Variants in PTPRN2 observed in about 807,000 individuals in gnomAD.
The protein encoded by PTPRN2 is protein tyrosine phosphatase receptor type N2, also known as receptor-type tyrosine-protein phosphatase N2.
A neutral mutation model predicts 118.8 loss-of-function variants in PTPRN2; 74 were observed. The ratio of observed to expected loss-of-function variants is 0.62; its 90% CI spans 0.52 to 0.76. The LOEUF (loss-of-function observed/expected upper bound fraction) is 0.76, where lower values mean the gene tolerates loss of function less well. PTPRN2 is among the 30% of genes least tolerant of loss of function. The pLI is 0.00. For missense variants in PTPRN2, 1,481 were observed against 1,394.4 expected (o/e 1.06, Z -0.99); for synonymous variants, 641 against 608.0 (o/e 1.05, Z -0.80).
chr7:158,020,758 T>C (rs1381836906), intron 11 of PTPRN2, among the ~76,000 whole-genome samples: 2 of 152,134 alleles, frequency 1.3e-5, no homozygotes, highest in African/African-American at 4.8e-5. Flanking sequence ...AAAGTAGGGA[T>C]CCTGTGTCAA....
At chr7:157,888,208 G>A (rs1796597324) in intron 12 of PTPRN2, among the ~76,000 whole-genome samples, 1 of 152,132 alleles carries the variant, frequency 6.6e-6, no homozygotes, top group African/African-American at 2.4e-5. Flanking sequence ...AGCATGAGAT[G>A]TAGGGTTCAG....
rs150011056 is a variant in PTPRN2, at chr7:158,128,688, C to T, written c.1556+4989G>A. Among the ~76,000 whole-genome samples, 352 of 152,222 alleles carry T rather than the reference C, an allele frequency of 2.3e-3. 1 individual carries two copies. The highest frequency in any genetic ancestry group is 3.9e-3 in the Non-Finnish European group (268 of 68,006). On this transcript the variant is annotated intron_variant, in intron 9 of 22. Transcript: ENST00000389418. ...CACAGGATTGTCGGCTCTGAAGGTTCCCTAGCAAACCACACCGGCCTCCTG... is the reference window on the plus strand; with the variant it reads ...CACAGGATTGTCGGCTCTGAAGGTTTCCTAGCAAACCACACCGGCCTCCTG...
At chr7:158,528,373 G>T (rs1824950614) in intron 1 of PTPRN2, among the ~76,000 whole-genome samples, 2 of 152,204 alleles carry the variant, frequency 1.3e-5, no homozygotes, top group African/African-American at 2.4e-5. Context: ...ACTCCCCAGA[G>T]CCGGTCAGCC....
Position 158,517,214 on chromosome 7 carries a change from G to A in PTPRN2, c.113-27429C>T, listed in dbSNP as rs777342795. ...CATTGACCCCCATTCCTGTCCCACA[G>A]TTGAGGGCTGCCCCACAGGCTTCCT... is the stretch of plus-strand genomic sequence containing the variant. On this transcript the variant is annotated intron_variant, in intron 1 of 22. Transcript: ENST00000389418. The surrounding 1 kb of genome is among the most constrained non-coding windows in gnomAD (Gnocchi z 5.3). 2.0e-5 allele frequency among the ~76,000 whole-genome samples: 3 copies of A among 152,216 alleles called. No individual in the cohort carries two copies. The highest frequency in any genetic ancestry group is 4.4e-5 in the Non-Finnish European group (3 of 68,044).
intron 4 of PTPRN2, among the ~76,000 whole-genome samples, chr7:158,193,575 C>A (rs573338975): frequency 1.3e-5 from 2 of 152,210 alleles, no homozygotes; most frequent in East Asian, 3.9e-4. Flanking sequence ...TCCCCCTTTA[C>A]CCTCAGCTGT....
At chr7:158,393,151 G>A (rs563656607) in intron 2 of PTPRN2, among the ~76,000 whole-genome samples, 14 of 152,124 alleles carry the variant, frequency 9.2e-5, no homozygotes, top group Admixed American at 1.3e-4. Context: ...GGAAGAAAAC[G>A]GGAGCTGGAA....
intron 12 of PTPRN2, among the ~76,000 whole-genome samples, chr7:157,716,709 G>A (rs541419602): frequency 2.6e-5 from 1 of 38,062 alleles, no homozygotes. Flanking sequence ...CAGACTCTGC[G>A]GGAACACTGC....
chr7:157,772,104 TAC>T (rs1160156324), intron 12 of PTPRN2, among the ~76,000 whole-genome samples: 4 of 130,300 alleles, frequency 3.1e-5, no homozygotes, highest in Admixed American at 7.6e-5. Flanking sequence ...CACACATGGA[TAC>T]ACACACACAG....
chr7:158,149,440 GT>G (rs1563515785), intron 6 of PTPRN2, among the ~76,000 whole-genome samples: 1 of 129,792 alleles, frequency 7.7e-6, no homozygotes, highest in African/African-American at 3.1e-5. Flanking sequence ...TTCTCAAGAG[GT>G]AAAAAAAAAA....
intron 11 of PTPRN2, among the ~76,000 whole-genome samples, chr7:158,076,973 T>C (rs1812411567): frequency 6.6e-6 from 1 of 152,182 alleles, no homozygotes; most frequent in Non-Finnish European, 1.5e-5. Flanking sequence ...CTGGGGTCGA[T>C]AGTTAAGGCT....
Position 158,526,280 on chromosome 7 carries a change from G to A in PTPRN2, c.113-36495C>T, listed in dbSNP as rs940707479. Among the ~76,000 whole-genome samples the A allele has an allele frequency of 2.0e-5, 3 of 152,266 alleles. No individual in the cohort carries two copies. Among genetic ancestry groups the A allele is most frequent in the South Asian group, 2.1e-4 (1 of 4,824 alleles). Reference sequence around the variant, plus strand: ...CAGGCCCTCCCTGCCCACCTGTGGCGGCGAAGGGAACTGACACCACTCCTT... The same window carrying A: ...CAGGCCCTCCCTGCCCACCTGTGGCAGCGAAGGGAACTGACACCACTCCTT... On this transcript the variant is annotated intron_variant, in intron 1 of 22. Transcript: ENST00000389418. The surrounding 1 kb of genome is among the most constrained non-coding windows in gnomAD (Gnocchi z 5.2).
chr7:158,362,482 A>G (rs1586462124), intron 2 of PTPRN2, among the ~76,000 whole-genome samples: 1 of 152,240 alleles, frequency 6.6e-6, no homozygotes, highest in South Asian at 2.1e-4. Context: ...CAGAAAGGCA[A>G]AGGACTTTGT....
chr7:158,070,310 GGTGGTGGAGGTGCTCGTGGT>G (rs1811120251), intron 11 of PTPRN2, among the ~76,000 whole-genome samples: 1 of 150,506 alleles, frequency 6.6e-6, no homozygotes, highest in South Asian at 2.1e-4. Context: ...AGGTGCTCCT[GGTGGTGGAGGTGCTCGTGGT>G]GTGGAGGTGC....
Position 157,929,813 on chromosome 7 carries a change from G to GC in PTPRN2, c.1724-31077dup, listed in dbSNP as rs1799255414. ...CCTGTAATGCAGAACCTTTCCCAGTGCCCACTGGTGGTGTTCCCGGGACAC... is the reference window on the plus strand; with the variant it reads ...CCTGTAATGCAGAACCTTTCCCAGTGCCCCACTGGTGGTGTTCCCGGGACAC... On this transcript the variant is annotated intron_variant, in intron 11 of 22. Coordinates refer to ENST00000389418, the MANE Select transcript of PTPRN2 (RefSeq NM_002847.5). This position sits in a 1 kb window ranked among gnomAD's most constrained non-coding sequence, Gnocchi z 4.4. Among the ~76,000 whole-genome samples the GC allele has an allele frequency of 6.6e-6, 1 of 151,892 alleles. No homozygotes were observed. Among genetic ancestry groups the GC allele is most frequent in the Non-Finnish European group, 1.5e-5 (1 of 67,896 alleles).
At chr7:158,554,985 C>T (rs992235554) in intron 1 of PTPRN2, among the ~76,000 whole-genome samples, 12 of 152,140 alleles carry the variant, frequency 7.9e-5, no homozygotes, top group Non-Finnish European at 1.0e-4. Context: ...TTAATTTATC[C>T]GGCCCCTCCT....
intron 2 of PTPRN2, among the ~76,000 whole-genome samples, chr7:158,376,108 C>T (rs1465527424): frequency 6.6e-6 from 1 of 152,176 alleles, no homozygotes; most frequent in Non-Finnish European, 1.5e-5. Flanking sequence ...AGACACCCCA[C>T]CCCTGGATGC....
At position 158,587,692 on chromosome 7, in the gene PTPRN2, C is replaced by T. The variant is rs1829064047; in HGVS notation, c.-23G>A. On this transcript the variant is annotated 5_prime_UTR_variant, in exon 1 of 23. Transcript: ENST00000389418. Reference sequence around the variant, plus strand: ...CATCCCCGCGGCCTGGCCGGCGGCGCTCAGTCCATGGCCGCGCGGGAGGCG... The same window carrying T: ...CATCCCCGCGGCCTGGCCGGCGGCGTTCAGTCCATGGCCGCGCGGGAGGCG... The T allele has an allele frequency of 8.4e-6, 11 of 1,304,058 alleles. No homozygotes were observed. The highest frequency in any genetic ancestry group is 1.1e-5 in the Non-Finnish European group (11 of 1,028,534). The allele number at this position is 1,304,058 out of a possible 1,614,324, so 80.8% of individuals were successfully genotyped here.
chr7:158,288,211 C>T (rs1799884722), intron 3 of PTPRN2, among the ~76,000 whole-genome samples: 2 of 152,102 alleles, frequency 1.3e-5, no homozygotes, highest in South Asian at 4.1e-4. Context: ...TTGTAGGTAG[C>T]ATATAGTTGG....
At chr7:157,586,280 C>T (rs904287486) in intron 17 of PTPRN2, among the ~76,000 whole-genome samples, 10 of 152,204 alleles carry the variant, frequency 6.6e-5, no homozygotes, top group East Asian at 1.9e-4. Flanking sequence ...CCATCTGTGA[C>T]GTAGCAGCCT....
Sources: allele counts gnomAD v4.1 joint callset (sites outside exome capture counted in the v4.1 genomes callset), GRCh38; gene constraint gnomAD v4.1.1; non-coding constraint Gnocchi (gnomAD v3.1); transcripts MANE v1.5; gene names NCBI Gene and HGNC (gene_info 2026-07-23, HGNC 2026-07-21).